Variants in CDH4 observed in about 807,000 individuals in gnomAD.
CDH4 encodes the protein cadherin-4.
In CDH4, 33 loss-of-function variants were observed where a neutral mutation model predicts 86.0. That is an observed-to-expected ratio of 0.38 (90% CI 0.29 to 0.51). The LOEUF is 0.51. CDH4 is among the 20% of genes least tolerant of loss of function. The pLI is 0.86. For missense variants in CDH4, 1,114 were observed against 1,307.4 expected (o/e 0.85, Z 2.28); for synonymous variants, 555 against 549.4 (o/e 1.01, Z -0.14).
At chr20:61,352,030 T>C (rs1312842698) in intron 2 of CDH4, among the ~76,000 whole-genome samples, 1 of 152,122 alleles carries the variant, frequency 6.6e-6, no homozygotes, top group Non-Finnish European at 1.5e-5. Flanking sequence ...TTTAGTTATT[T>C]TTAAGTGTGC....
rs550594609 is a variant in CDH4, at chr20:61,675,704, C to T, written c.170-67859C>T. On this transcript the variant is annotated intron_variant, in intron 2 of 15. Coordinates refer to ENST00000614565, the MANE Select transcript of CDH4 (RefSeq NM_001794.5). ...GGCTTTGGGCTCAGCCAAGCACTCCCGTGGAAACAACCATCGTAGGGCTGA... is the reference window on the plus strand; with the variant it reads ...GGCTTTGGGCTCAGCCAAGCACTCCTGTGGAAACAACCATCGTAGGGCTGA... Among the ~76,000 whole-genome samples, 15 of 59,010 alleles carry T rather than the reference C, an allele frequency of 2.5e-4. No homozygotes were observed. In the East Asian group the frequency reaches 6.6e-3, roughly 26 times the overall value. 38.7% of individuals were successfully genotyped at this position (59,010 alleles called of 152,430 possible).
chr20:61,258,820 G>A (rs2084114857), intron 2 of CDH4, among the ~76,000 whole-genome samples: 1 of 152,180 alleles, frequency 6.6e-6, no homozygotes, highest in East Asian at 1.9e-4. Flanking sequence ...TCTGAGTTCA[G>A]AGCAGAAGAA....
At chr20:61,777,370 T>C (rs1239987101) in intron 4 of CDH4, among the ~76,000 whole-genome samples, 1 of 152,262 alleles carries the variant, frequency 6.6e-6, no homozygotes, top group African/African-American at 2.4e-5. Context: ...ACGTTAGCAC[T>C]GCCTGTCCTG....
rs117487911 is a variant in CDH4 at position 61,333,427 on chromosome 20, G to C, written c.169+78490G>C. On this transcript the variant is annotated intron_variant, in intron 2 of 15. Coordinates refer to ENST00000614565, the MANE Select transcript of CDH4 (RefSeq NM_001794.5). ...GGCTCCTGAAGCTCTGGCTTAATGAGACCCCAACAGGCATTCTTTCACTAC... is the reference window on the plus strand; with the variant it reads ...GGCTCCTGAAGCTCTGGCTTAATGACACCCCAACAGGCATTCTTTCACTAC... Among the ~76,000 whole-genome samples, 436 of 152,310 alleles carry C rather than the reference G, an allele frequency of 2.9e-3. 4 individuals carry two copies. The highest frequency in any genetic ancestry group is 0.014 in the East Asian group (70 of 5,176).
intron 9 of CDH4, among the ~76,000 whole-genome samples, chr20:61,915,128 G>A (rs1377939573): frequency 6.6e-6 from 1 of 152,244 alleles, no homozygotes; most frequent in East Asian, 1.9e-4. Context: ...ATAACTGGGA[G>A]CCCACACACA....
chr20:61,565,204 C>CGGTGCTCTTGGTGGTGGTG (rs1568688382), intron 2 of CDH4, among the ~76,000 whole-genome samples: 4 of 50,284 alleles, frequency 8.0e-5, no homozygotes, highest in Admixed American at 5.5e-4. Context: ...TGGTGGTGGT[C>CGGTGCTCTTGGTGGTGGTG]GCGGTGCTCT....
chr20:61,407,033 C>T (rs2085088316), intron 2 of CDH4, among the ~76,000 whole-genome samples: 1 of 151,594 alleles, frequency 6.6e-6, no homozygotes, highest in South Asian at 2.1e-4. Flanking sequence ...GCCTGGACCA[C>T]CATCTGCTCT....
At chr20:61,272,968 A>G (rs1600822197) in intron 2 of CDH4, among the ~76,000 whole-genome samples, 1 of 77,768 alleles carries the variant, frequency 1.3e-5, no homozygotes, top group East Asian at 4.5e-4. Context: ...GGGGAGTACC[A>G]TGTGCAGTTT....
intron 4 of CDH4, among the ~76,000 whole-genome samples, chr20:61,800,238 C>G (rs1219416416): frequency 6.6e-6 from 1 of 152,242 alleles, no homozygotes; most frequent in African/African-American, 2.4e-5. Flanking sequence ...CGCACTCCCT[C>G]GAGTGCACAC....
At chr20:61,575,113 A>G (rs918672500) in intron 2 of CDH4, among the ~76,000 whole-genome samples, 3 of 152,138 alleles carry the variant, frequency 2.0e-5, no homozygotes, top group African/African-American at 7.2e-5. Flanking sequence ...CGGCCAACAC[A>G]AAAAAGCTAA....
At chr20:61,481,422 C>G (rs961450126) in intron 2 of CDH4, among the ~76,000 whole-genome samples, 1 of 152,240 alleles carries the variant, frequency 6.6e-6, no homozygotes, top group Non-Finnish European at 1.5e-5. Context: ...CAAATAAAAT[C>G]TCAGCGTAGG....
intron 4 of CDH4, among the ~76,000 whole-genome samples, chr20:61,838,822 TA>T (rs11412264): frequency 0.34 from 42,307 of 123,030 alleles, 6,778 homozygotes; most frequent in East Asian, 0.6. Flanking sequence ...AGACCCTGTC[TA>T]AAAAAAAAAA....
In CDH4 at chr20:61,934,160, C is replaced by T. The variant is rs2123013497; in HGVS notation, c.2484C>T (p.Pro828=). ...ATGAGCGGCCGGTGGGCGCTGAGCC[C>T]CAGTACCCGATCAGGCCCATGGTGC... is the stretch of plus-strand genomic sequence containing the variant. ...RVDERPVGAE[P]QYPIRPMVPH... Residue 828 remains proline (P), a synonymous_variant, in exon 15 of 16, where the codon CCC becomes CCT. Transcript: ENST00000614565. 6.2e-7 allele frequency: 1 copy of T among 1,607,974 alleles called. No individual in the cohort carries two copies. Among genetic ancestry groups the T allele is most frequent in the East Asian group, 2.2e-5 (1 of 44,726 alleles).
intron 8 of CDH4, among the ~76,000 whole-genome samples, chr20:61,903,122 G>A (rs4925311): frequency 0.076 from 11,544 of 151,452 alleles, 1,142 homozygotes; most frequent in East Asian, 0.44. Flanking sequence ...TGTTCATTAT[G>A]TTTGCACATT....
chr20:61,907,300 C>T (rs553345864), intron 8 of CDH4, among the ~76,000 whole-genome samples: 1 of 152,216 alleles, frequency 6.6e-6, no homozygotes, highest in South Asian at 2.1e-4. Context: ...TCACAGGCCT[C>T]AGCGAAGCTT....
intron 3 of CDH4, among the ~76,000 whole-genome samples, chr20:61,759,017 A>G (rs919441001): frequency 5.3e-5 from 8 of 152,166 alleles, no homozygotes; most frequent in African/African-American, 1.7e-4. Flanking sequence ...TTGTGAGTAT[A>G]TGTGTGTGCA....
At chr20:61,923,074 G>T (rs541377133) in intron 9 of CDH4, among the ~76,000 whole-genome samples, 1 of 152,204 alleles carries the variant, frequency 6.6e-6, no homozygotes, top group African/African-American at 2.4e-5. Context: ...GGCCAACAAC[G>T]TCAGGAGCCT....
chr20:61,780,078 G>A (rs994155664), intron 4 of CDH4, among the ~76,000 whole-genome samples: 1 of 152,212 alleles, frequency 6.6e-6, no homozygotes, highest in African/African-American at 2.4e-5. Flanking sequence ...TGGCTGTGTG[G>A]TTCCCACTGT....
chr20:61,873,058 CCAATGTGTG>C (rs1983874406), intron 6 of CDH4, among the ~76,000 whole-genome samples: 2 of 152,198 alleles, frequency 1.3e-5, no homozygotes, highest in African/African-American at 4.8e-5. Flanking sequence ...GACCTCAACC[CCAATGTGTG>C]CATGGGGAAA....
Sources: allele counts gnomAD v4.1 joint callset (sites outside exome capture counted in the v4.1 genomes callset), GRCh38; gene constraint gnomAD v4.1.1; transcripts MANE v1.5; gene names NCBI Gene and HGNC (gene_info 2026-07-23, HGNC 2026-07-21).